Variants in OSBPL9 observed in about 807,000 individuals in gnomAD.
OSBPL9 encodes the protein oxysterol-binding protein-related protein 9.
OSBPL9 carries 40 observed loss-of-function variants against 106.6 expected under a neutral mutation model. The observed-to-expected ratio is 0.38, with a 90% confidence interval of 0.29 to 0.49. The LOEUF (loss-of-function observed/expected upper bound fraction) is 0.49, where lower values mean the gene tolerates loss of function less well. OSBPL9 is among the 20% of genes least tolerant of loss of function. The probability of loss-of-function intolerance (pLI) is 0.97; values close to 1 mark genes in which losing one functional copy is unlikely to be tolerated. For missense variants in OSBPL9, 609 were observed against 887.2 expected, an observed-to-expected ratio of 0.69 and a Z score of 3.98; for synonymous variants, 269 against 295.4, an observed-to-expected ratio of 0.91 and a Z score of 0.92.
intron 3 of OSBPL9, among the ~76,000 whole-genome samples, chr1:51,670,329 G>T (rs1040331037): frequency 6.6e-6 from 1 of 152,298 alleles, no homozygotes; most frequent in African/African-American, 2.4e-5. Flanking sequence ...GAAATGAAAA[G>T]ATTTGGAGAG....
chr1:51,576,338 A>C (rs190441389), upstream of OSBPL9, among the ~76,000 whole-genome samples: 4 of 152,238 alleles, frequency 2.6e-5, no homozygotes, highest in East Asian at 7.7e-4. Flanking sequence ...AATGAAGTGG[A>C]TCCTGCTTCT....
At chr1:51,755,145 C>A (rs61258748) in intron 8 of OSBPL9, among the ~76,000 whole-genome samples, 157 of 152,120 alleles carry the variant, frequency 1.0e-3, no homozygotes, top group Non-Finnish European at 1.9e-3. Context: ...TTAAGCCACC[C>A]AGTCTATGGT....
chr1:51,784,113 C>A, intron 18 of OSBPL9, 88 bp downstream of exon 18: 1 of 1,406,580 alleles, frequency 7.1e-7, no homozygotes, highest in Non-Finnish European at 1.0e-6. Context: ...AGCAACTAAG[C>A]ATTGGTATTG....
chr1:51,605,027 A>G (rs967408337), intron 2 of OSBPL9, among the ~76,000 whole-genome samples: 1 of 152,174 alleles, frequency 6.6e-6, no homozygotes, highest in Non-Finnish European at 1.5e-5. Context: ...GCCCTACTAC[A>G]TGGCAGAGTT....
intron 3 of OSBPL9, among the ~76,000 whole-genome samples, chr1:51,711,507 G>GC (rs1339186989): frequency 1.5e-5 from 2 of 135,800 alleles, no homozygotes; most frequent in African/African-American, 5.7e-5. Context: ...TGGCCGGGCG[G>GC]GGGGCTGACC....
At chr1:51,783,371 A>G (rs1328392250) in intron 17 of OSBPL9, among the ~76,000 whole-genome samples, 1 of 143,042 alleles carries the variant, frequency 7.0e-6, no homozygotes, top group Non-Finnish European at 1.5e-5. Flanking sequence ...TTTTTTTTAG[A>G]GTCAGTGTAT....
At chr1:51,650,091 G>A (rs1043003753) in intron 1 of OSBPL9, among the ~76,000 whole-genome samples, 38 of 152,066 alleles carry the variant, frequency 2.5e-4, no homozygotes, top group Admixed American at 2.3e-3. Context: ...TGCCCAGGCC[G>A]ACCTCAAACT....
intron 9 of OSBPL9, among the ~76,000 whole-genome samples, chr1:51,757,518 T>C (rs1263577991): frequency 6.6e-6 from 1 of 151,732 alleles, no homozygotes; most frequent in Admixed American, 6.6e-5. Context: ...AAATTAGTTA[T>C]ATTATGTTAA....
chr1:51,772,197 A>ATAATT lies in OSBPL9; in HGVS notation c.1051+19_1051+23dup. 2 of 1,589,648 alleles carry ATAATT rather than the reference A, an allele frequency of 1.3e-6. No individual in the cohort carries two copies. The highest frequency in any genetic ancestry group is 1.7e-6 in the Non-Finnish European group (2 of 1,162,296). ...AAGTGATGCTGGTAAGTGACCTTTG[A>ATAATT]TAATTTAACTTTTTTTTCTTTAAAA... On this transcript the variant is annotated intron_variant, in intron 13 of 23. Coordinates refer to ENST00000428468, the MANE Select transcript of OSBPL9 (RefSeq NM_024586.6).
intron 3 of OSBPL9, among the ~76,000 whole-genome samples, chr1:51,697,231 A>G (rs991151069): frequency 6.6e-6 from 1 of 151,988 alleles, no homozygotes; most frequent in African/African-American, 2.4e-5. Flanking sequence ...ACGATATACT[A>G]CCCACCCAAG....
At chr1:51,787,209 C>A in intron 22 of OSBPL9, 144 bp from the exon 23 acceptor site, 1 of 758,826 alleles carries the variant, frequency 1.3e-6, no homozygotes, top group Non-Finnish European at 2.2e-6. Flanking sequence ...CTGTTCCTTA[C>A]TCCAGTGCCC....
chr1:51,661,114 C>A (rs1647119408), intron 2 of OSBPL9, among the ~76,000 whole-genome samples: 1 of 152,162 alleles, frequency 6.6e-6, no homozygotes, highest in African/African-American at 2.4e-5. Context: ...CTTCCAATGT[C>A]ATTTAAGCAG....
chr1:51,726,023 T>G (rs1050400175), intron 4 of OSBPL9, among the ~76,000 whole-genome samples: 1 of 152,244 alleles, frequency 6.6e-6, no homozygotes, highest in Non-Finnish European at 1.5e-5. Context: ...AACAGTTGAT[T>G]AATACATATT....
At chr1:51,696,029 A>C (rs1378070969) in intron 3 of OSBPL9, among the ~76,000 whole-genome samples, 3 of 152,214 alleles carry the variant, frequency 2.0e-5, no homozygotes, top group African/African-American at 2.4e-5. Context: ...TTGGACGCTG[A>C]TTATTGCTGG....
rs1483261632 is a variant in OSBPL9 at position 51,767,272 on chromosome 1, C to T, written c.938+1291C>T. On this transcript the variant is annotated intron_variant, in intron 12 of 23. Transcript: ENST00000428468. ...GCTGAGTGTGGTGGCACACGCCTGT[C>T]GTCCTAGCTACTCGGGAGGCTAAGA... is the stretch of plus-strand genomic sequence containing the variant. Among the ~76,000 whole-genome samples, 4 of 151,360 alleles carry T rather than the reference C, an allele frequency of 2.6e-5. No homozygotes were observed. The East Asian group carries it at 7.8e-4, about 30-fold the overall frequency.
At chr1:51,643,212 C>T (rs896392381) in intron 1 of OSBPL9, among the ~76,000 whole-genome samples, 2 of 152,132 alleles carry the variant, frequency 1.3e-5, no homozygotes, top group African/African-American at 4.8e-5. Context: ...TTAATCTATT[C>T]ATGAGGACGG....
chr1:51,747,782 TTTG>T lies in OSBPL9; in HGVS notation c.463-578_463-576del, dbSNP rs548575810. On this transcript the variant is annotated intron_variant, in intron 6 of 23. Coordinates refer to ENST00000428468, the MANE Select transcript of OSBPL9 (RefSeq NM_024586.6). ...GCTTTCAGGTAAGGAATAAGAATTT[TTTG>T]TTGTTGTTTTTTGTTTTGTTTTGAG... 1.5e-3 allele frequency among the ~76,000 whole-genome samples: 222 copies of T among 152,166 alleles called. 1 individual carries two copies. The highest frequency in any genetic ancestry group is 5.0e-3 in the African/African-American group (207 of 41,504).
At chr1:51,667,375 C>T (rs1648767618) in intron 2 of OSBPL9, among the ~76,000 whole-genome samples, 1 of 152,066 alleles carries the variant, frequency 6.6e-6, no homozygotes, top group Non-Finnish European at 1.5e-5. Flanking sequence ...CCCATTTCAC[C>T]CCAACCCTCC....
At chr1:51,588,295 T>C (rs1645257274) in intron 1 of OSBPL9, among the ~76,000 whole-genome samples, 2 of 152,188 alleles carry the variant, frequency 1.3e-5, no homozygotes, top group South Asian at 4.1e-4. Flanking sequence ...GGCAGGAGAA[T>C]TGCTTGAACC....
Sources: allele counts gnomAD v4.1 joint callset (sites outside exome capture counted in the v4.1 genomes callset), GRCh38; gene constraint gnomAD v4.1.1; transcripts MANE v1.5; gene names NCBI Gene and HGNC (gene_info 2026-07-23, HGNC 2026-07-21).